Variants in CSMD2 observed in about 807,000 individuals in gnomAD.
CSMD2 encodes the protein CUB and Sushi multiple domains 2.
A neutral mutation model predicts 398.5 loss-of-function variants in CSMD2; 130 were observed. The observed-to-expected ratio is 0.33, with a 90% CI of 0.28 to 0.38. The LOEUF (loss-of-function observed/expected upper bound fraction) is 0.38. Ranked by LOEUF, CSMD2 falls within the 10% of genes least tolerant of loss-of-function variation. The pLI is 1.00. For synonymous variants in CSMD2, 1,828 were observed against 1,908.5 expected, an observed-to-expected ratio of 0.96 and a Z score of 1.10; for missense variants, 3,829 against 4,764.9, an observed-to-expected ratio of 0.80 and a Z score of 5.78.
chr1:33,957,908 C>T (rs868805996), intron 3 of CSMD2, among the ~76,000 whole-genome samples: 6 of 149,328 alleles, frequency 4.0e-5, no homozygotes, highest in South Asian at 4.3e-4. Flanking sequence ...TGTGCCTGTA[C>T]TAGACCCATT....
At chr1:33,663,912 T>G (rs1180199193) in intron 25 of CSMD2, among the ~76,000 whole-genome samples, 3 of 152,234 alleles carry the variant, frequency 2.0e-5, no homozygotes, top group African/African-American at 7.2e-5. Flanking sequence ...CACCATTTCT[T>G]CTATTGCTAA....
In CSMD2 at chr1:33,750,213, C is replaced by CT. The variant is rs924915375; in HGVS notation, c.1847-6608dup. Among the ~76,000 whole-genome samples, 28 of 149,312 alleles carry CT rather than the reference C, an allele frequency of 1.9e-4. No homozygotes were observed. The South Asian group carries it at 2.4e-3, about 13-fold the overall frequency. On this transcript the variant is annotated intron_variant, in intron 13 of 70. Coordinates refer to ENST00000373381, the MANE Select transcript of CSMD2 (RefSeq NM_001281956.2). Reference sequence around the variant, plus strand: ...AATTTAACACAATTCCAGGCCAGATCTTTTTTTTTTCTGGAACTTAAAACC... The same window carrying CT: ...AATTTAACACAATTCCAGGCCAGATCTTTTTTTTTTTCTGGAACTTAAAACC...
intron 57 of CSMD2, among the ~76,000 whole-genome samples, chr1:33,545,423 T>C (rs1656783265): frequency 6.6e-6 from 1 of 152,242 alleles, no homozygotes; most frequent in Non-Finnish European, 1.5e-5. Flanking sequence ...GCACATTGAA[T>C]ATTTGTTTCA....
In CSMD2 at chr1:33,709,119, T is replaced by A; in HGVS notation, c.3546A>T (p.Ala1182=). 6.2e-7 allele frequency: 1 copy of A among 1,613,946 alleles called. No individual in the cohort carries two copies. Among genetic ancestry groups the A allele is most frequent in the Non-Finnish European group, 8.5e-7 (1 of 1,179,912 alleles). Residue 1182 remains alanine (A), a synonymous_variant, in exon 22 of 71, where the codon GCA becomes GCT. Coordinates refer to ENST00000373381, the MANE Select transcript of CSMD2 (RefSeq NM_001281956.2). ...GGACATCTCCTTCGGAGAGTTCGAA[T>A]GCCCTGGCTTTCAGCTGAATTCCCT... The part of the protein sequence containing the change: ...PGKGIQLKAR[A]FELSEGDVLK...
chr1:34,091,321 A>C (rs1658531501), intron 1 of CSMD2, among the ~76,000 whole-genome samples: 1 of 152,066 alleles, frequency 6.6e-6, no homozygotes, highest in Non-Finnish European at 1.5e-5. Flanking sequence ...TTGGCTAGAC[A>C]CTCTCCTAAA....
intron 8 of CSMD2, 79 bp downstream of exon 8, chr1:33,820,390 G>A: frequency 1.1e-6 from 1 of 915,906 alleles, no homozygotes; most frequent in Non-Finnish European, 1.8e-6. Context: ...TCCACCTGCA[G>A]GAAGGCCAGC....
At chr1:33,838,411 T>A (rs938490677) in intron 6 of CSMD2, 1 of 152,226 alleles carries the variant, frequency 6.6e-6, no homozygotes, top group South Asian at 2.1e-4. Context: ...AAAACTGAAA[T>A]CTGACCTTGC....
At chr1:33,864,043 G>A (rs1380126258) in intron 5 of CSMD2, 2 of 703,010 alleles carry the variant, frequency 2.8e-6, no homozygotes, top group East Asian at 2.6e-5. Context: ...AATGCCATCA[G>A]CACTGAAAAG....
intron 22 of CSMD2, among the ~76,000 whole-genome samples, chr1:33,704,451 C>T (rs1645709762): frequency 6.6e-6 from 1 of 152,118 alleles, no homozygotes; most frequent in African/African-American, 2.4e-5. Context: ...TTGCTATAGG[C>T]ATTTGGTAGA....
chr1:33,727,224 G>C (rs1157113608), intron 15 of CSMD2, among the ~76,000 whole-genome samples: 2 of 152,224 alleles, frequency 1.3e-5, no homozygotes, highest in African/African-American at 4.8e-5. Context: ...GTTTCTCAAT[G>C]ATTGCTGGTT....
intron 13 of CSMD2, among the ~76,000 whole-genome samples, chr1:33,747,756 A>G (rs1316932457): frequency 6.6e-6 from 1 of 152,230 alleles, no homozygotes; most frequent in Non-Finnish European, 1.5e-5. Flanking sequence ...GAATGGGCCA[A>G]GATAGCTCAG....
chr1:33,622,066 T>G (rs1641808106), intron 37 of CSMD2, 101 bp downstream of exon 37: 1 of 872,600 alleles, frequency 1.1e-6, no homozygotes, highest in South Asian at 1.4e-5. Context: ...TTAAGTGGGA[T>G]GGACAATATG....
intron 5 of CSMD2, among the ~76,000 whole-genome samples, chr1:33,914,620 A>C (rs1450245016): frequency 1.3e-5 from 2 of 152,174 alleles, no homozygotes; most frequent in African/African-American, 4.8e-5. Context: ...TTCAGTGCTC[A>C]CCACAGTAAC....
intron 1 of CSMD2, among the ~76,000 whole-genome samples, chr1:34,106,848 A>T (rs1660574344): frequency 6.6e-6 from 1 of 151,896 alleles, no homozygotes; most frequent in Non-Finnish European, 1.5e-5. Flanking sequence ...CCTAATTCTA[A>T]CTCCAGGCTT....
rs568963210 is a variant in CSMD2, at chr1:33,622,352, GCT to G, written c.5723-83_5723-82del. 3.1e-5 allele frequency: 32 copies of G among 1,020,706 alleles called. No individual in the cohort carries two copies. The African/African-American group carries it at 4.6e-4, about 15-fold the overall frequency. The allele number at this position is 1,020,706 out of a possible 1,614,324, so 63.2% of individuals were successfully genotyped here. A position where few individuals can be genotyped will look rare whatever the true frequency, so the allele number is the denominator to read the frequency against. On this transcript the variant is annotated intron_variant, in intron 36 of 70. Coordinates refer to ENST00000373381, the MANE Select transcript of CSMD2 (RefSeq NM_001281956.2). ...ATTCCTCCCCATTCCTCTGGATTTTGCTACCTGCTGACATTCTGCTCCCAAGG... is the reference window on the plus strand; with the variant it reads ...ATTCCTCCCCATTCCTCTGGATTTTGACCTGCTGACATTCTGCTCCCAAGG...
intron 64 of CSMD2, among the ~76,000 whole-genome samples, chr1:33,528,219 CTCAGAG>C (rs1654953775): frequency 6.6e-6 from 1 of 152,250 alleles, no homozygotes; most frequent in South Asian, 2.1e-4. Context: ...AACTTCACCA[CTCAGAG>C]TCTTTGCCTC....
intron 11 of CSMD2, among the ~76,000 whole-genome samples, chr1:33,791,539 G>A (rs1654314409): frequency 6.6e-6 from 1 of 152,076 alleles, no homozygotes; most frequent in South Asian, 2.1e-4. Flanking sequence ...AGGCTAGAGT[G>A]TAGTGGCATG....
At chr1:33,521,346 C>A in intron 68 of CSMD2, 117 bp downstream of exon 68, 1 of 728,868 alleles carries the variant, frequency 1.4e-6, no homozygotes, top group Non-Finnish European at 2.5e-6. Flanking sequence ...CCCAAAGAGG[C>A]CAAAGCACCC....
intron 6 of CSMD2, among the ~76,000 whole-genome samples, chr1:33,835,500 T>A (rs1660106502): frequency 1.9e-5 from 1 of 52,784 alleles, no homozygotes; most frequent in Non-Finnish European, 2.9e-5. Flanking sequence ...TGGGGACTGT[T>A]GTGGGGTGGG....
Sources: allele counts gnomAD v4.1 joint callset (sites outside exome capture counted in the v4.1 genomes callset), GRCh38; gene constraint gnomAD v4.1.1; transcripts MANE v1.5; gene names NCBI Gene and HGNC (gene_info 2026-07-23, HGNC 2026-07-21).